DYNC2H1: variants seen among roughly 807,000 people sequenced by gnomAD.
DYNC2H1 encodes dynein cytoplasmic 2 heavy chain 1, also known as cytoplasmic dynein 2 heavy chain 1.
In DYNC2H1, 410 loss-of-function variants were observed where a neutral mutation model predicts 570.0. The ratio of observed to expected loss-of-function variants is 0.72; its 90% CI spans 0.66 to 0.78. The LOEUF (loss-of-function observed/expected upper bound fraction) is 0.78, where lower values mean the gene tolerates loss of function less well. Among genes scored for constraint, DYNC2H1 ranks in the 30% least tolerant of loss-of-function variants. DYNC2H1 has a pLI of 0.00. For synonymous variants in DYNC2H1, 1,688 were observed against 1,677.6 expected (o/e 1.01, Z -0.15); for missense variants, 4,865 against 5,046.4 (o/e 0.96, Z 1.09).
At position 103,370,372 on chromosome 11, in the gene DYNC2H1, G is replaced by A. The variant is rs142921707; in HGVS notation, c.12156+12013G>A. ...TCCTAGCTGCCAGACAGTACCTCTG[G>A]ACACACCCATGGCTTGGGGAAGCTC... On this transcript the variant is annotated intron_variant, in intron 83 of 88. Transcript: ENST00000375735. Among the ~76,000 whole-genome samples, 5 of 152,330 alleles carry A rather than the reference G, an allele frequency of 3.3e-5. No individual in the cohort carries two copies. In the East Asian group the frequency reaches 9.6e-4, roughly 29 times the overall value.
intron 79 of DYNC2H1, among the ~76,000 whole-genome samples, chr11:103,313,773 CA>C (rs1867699974): frequency 6.6e-6 from 1 of 152,124 alleles, no homozygotes; most frequent in South Asian, 2.1e-4. Flanking sequence ...TGTAGCCTGT[CA>C]ATAAACATTT....
At chr11:103,140,010 C>T (rs1859813696) in intron 17 of DYNC2H1, among the ~76,000 whole-genome samples, 1 of 152,076 alleles carries the variant, frequency 6.6e-6, no homozygotes, top group Non-Finnish European at 1.5e-5. Flanking sequence ...GGTTTAAAGT[C>T]TGTTTTATCA....
chr11:103,159,136 C>A, intron 28 of DYNC2H1, 109 bp downstream of exon 28: 1 of 765,824 alleles, frequency 1.3e-6, no homozygotes, highest in Non-Finnish European at 2.1e-6. Flanking sequence ...GTTCATATAC[C>A]CAAATACAGT....
intron 82 of DYNC2H1, among the ~76,000 whole-genome samples, chr11:103,338,499 G>A (rs1032419265): frequency 9.9e-5 from 15 of 152,090 alleles, no homozygotes; most frequent in Admixed American, 2.6e-4. Flanking sequence ...CATGAACATA[G>A]GATATCTTTC....
At position 103,185,030 on chromosome 11, in the gene DYNC2H1, A is replaced by C. The variant is rs916640091; in HGVS notation, c.6612A>C (p.Ser2204=). 2 of 1,609,416 alleles carry C rather than the reference A, an allele frequency of 1.2e-6. No individual in the cohort carries two copies. The highest frequency in any genetic ancestry group is 3.3e-5 in the Admixed American group (2 of 59,738). Residue 2204 remains serine (S), a synonymous_variant, in exon 41 of 89, where the codon TCA becomes TCC. Coordinates refer to ENST00000375735, the MANE Select transcript of DYNC2H1 (RefSeq NM_001377.3). This position sits in a 1 kb window ranked among gnomAD's most constrained non-coding sequence, Gnocchi z 4.5. ...RGLGGNLNMK[S]RLEFTKEVFH... Reference sequence around the variant, plus strand: ...TTGGTGGAAATCTGAATATGAAGTCACGTTTGGAATTTACCAAAGAGGTAA... The same window carrying C: ...TTGGTGGAAATCTGAATATGAAGTCCCGTTTGGAATTTACCAAAGAGGTAA...
intron 84 of DYNC2H1, among the ~76,000 whole-genome samples, chr11:103,428,282 G>A (rs1943750342): frequency 1.6e-5 from 2 of 127,344 alleles, no homozygotes; most frequent in South Asian, 5.9e-4. Flanking sequence ...GTAACACTGA[G>A]CAAATATTTA....
At chr11:103,182,016 TG>T in intron 40 of DYNC2H1, 130 bp downstream of exon 40, 1 of 886,372 alleles carries the variant, frequency 1.1e-6, no homozygotes, top group Non-Finnish European at 1.7e-6. Context: ...ATTTTGTCAC[TG>T]CTACTCCTCT....
Position 103,456,313 on chromosome 11 carries a change from C to T in DYNC2H1, c.12605C>T (p.Ala4202Val). 6.2e-7 allele frequency: 1 copy of T among 1,609,050 alleles called. No individual in the cohort carries two copies. Among genetic ancestry groups the T allele is most frequent in the South Asian group, 1.1e-5 (1 of 89,822 alleles). The change falls in exon 87 of 89, where the codon GCC (alanine) becomes GTC (valine). Residue 4202 changes from alanine (A) to valine (V), a missense_variant. Physicochemically the swap from Ala to Val is moderately conservative, Grantham distance 64 (BLOSUM62 0). This residue lies in a region of DYNC2H1 where 2,401 missense variants were observed against 2,454.6 expected (regional missense o/e 0.98). Transcript: ENST00000375735. ...GRSVDSLKFV[A>V]SWKGRLQEAK... Reference sequence around the variant, plus strand: ...TCTGTGGATAGCCTTAAATTTGTAGCCTCATGGAAAGGTCGACTGCAAGAA... The same window carrying T: ...TCTGTGGATAGCCTTAAATTTGTAGTCTCATGGAAAGGTCGACTGCAAGAA...
rs964076927 is a variant in DYNC2H1 at position 103,472,811 on chromosome 11, G to A, written c.12765+4106G>A. On this transcript the variant is annotated intron_variant, in intron 88 of 88. Transcript: ENST00000375735. The surrounding 1 kb of genome is among the most constrained non-coding windows in gnomAD (Gnocchi z 4.1). ...GATAATAATAAAATTCAGAACTTTG[G>A]TAACTAAACTTTTTTTTTACACCAG... is the stretch of plus-strand genomic sequence containing the variant. Among the ~76,000 whole-genome samples, 9 of 152,110 alleles carry A rather than the reference G, an allele frequency of 5.9e-5. No homozygotes were observed. The highest frequency in any genetic ancestry group is 2.2e-4 in the African/African-American group (9 of 41,472).
At chr11:103,478,866 T>C (rs1213581248) in intron 88 of DYNC2H1, among the ~76,000 whole-genome samples, 1 of 151,992 alleles carries the variant, frequency 6.6e-6, no homozygotes. Flanking sequence ...AATTTTGTAA[T>C]TGTAAGGTGC....
intron 84 of DYNC2H1, chr11:103,404,123 A>G (rs1346019764): frequency 6.6e-6 from 1 of 151,948 alleles, no homozygotes; most frequent in Non-Finnish European, 1.5e-5. Flanking sequence ...CTTCCATAAT[A>G]GGGGATGTAG....
In DYNC2H1 at chr11:103,188,610, T is replaced by C; in HGVS notation, c.7254T>C (p.Thr2418=). The change falls in exon 44 of 89, where the codon ACT becomes ACC. Residue 2418 remains threonine (T), a synonymous_variant. Transcript: ENST00000375735. ...GAAGACTGGGAAGACATAAACTTACTACCAGATTTACTTCCATCGTTCGTC... is the reference window on the plus strand; with the variant it reads ...GAAGACTGGGAAGACATAAACTTACCACCAGATTTACTTCCATCGTTCGTC... ...AGGRLGRHKL[T]TRFTSIVRLC... 2 of 1,609,476 alleles carry C rather than the reference T, an allele frequency of 1.2e-6. No homozygotes were observed. Among genetic ancestry groups the C allele is most frequent in the Non-Finnish European group, 1.7e-6 (2 of 1,177,412 alleles).
intron 85 of DYNC2H1, among the ~76,000 whole-genome samples, chr11:103,436,456 C>T (rs527488464): frequency 6.6e-6 from 1 of 152,094 alleles, no homozygotes; most frequent in Non-Finnish European, 1.5e-5. Context: ...ATAATATAGA[C>T]AGAGAAAGAG....
chr11:103,177,825 G>T lies in DYNC2H1; in HGVS notation c.6139+5G>T. On this transcript the variant is annotated splice_donor_5th_base_variant and intron_variant, in intron 38 of 88. Coordinates refer to ENST00000375735, the MANE Select transcript of DYNC2H1 (RefSeq NM_001377.3). This position sits in a 1 kb window ranked among gnomAD's most constrained non-coding sequence, Gnocchi z 4.4. ...AAGTGGTTCGGGAACCTCAAGGTTA[G>T]TCTCTATGTATACTTCTTTGCTTTA... The T allele has an allele frequency of 2.5e-6, 4 of 1,605,960 alleles. No individual in the cohort carries two copies. In the South Asian group the frequency reaches 3.4e-5, roughly 14 times the overall value.
chr11:103,341,508 A>G (rs938592639), intron 82 of DYNC2H1, among the ~76,000 whole-genome samples: 1 of 152,166 alleles, frequency 6.6e-6, no homozygotes, highest in South Asian at 2.1e-4. Flanking sequence ...GTAGATTCCT[A>G]AGTTCTATCC....
In DYNC2H1 at chr11:103,203,615, A is replaced by C; in HGVS notation, c.8198-48A>C. 7 of 1,223,178 alleles carry C rather than the reference A, an allele frequency of 5.7e-6. No individual in the cohort carries two copies. The highest frequency in any genetic ancestry group is 6.8e-6 in the Non-Finnish European group (6 of 879,754). The allele number at this position is 1,223,178 out of a possible 1,614,324, so 75.8% of individuals were successfully genotyped here. On this transcript the variant is annotated intron_variant, in intron 50 of 88. Coordinates refer to ENST00000375735, the MANE Select transcript of DYNC2H1 (RefSeq NM_001377.3). This position sits in a 1 kb window ranked among gnomAD's most constrained non-coding sequence, Gnocchi z 4.7. Reference sequence around the variant, plus strand: ...GATTTTTAAATACAAAAATTGAAAAAGCATCATTTATTAAAATGTTTTCAA... The same window carrying C: ...GATTTTTAAATACAAAAATTGAAAACGCATCATTTATTAAAATGTTTTCAA...
At chr11:103,183,833 A>AT (rs904060865) in intron 40 of DYNC2H1, among the ~76,000 whole-genome samples, 5 of 151,554 alleles carry the variant, frequency 3.3e-5, no homozygotes, top group Admixed American at 6.6e-5. Context: ...AAAAATATTA[A>AT]TTTTTTTAAG....
Position 103,280,524 on chromosome 11 carries a change from T to A in DYNC2H1, c.10761+111T>A. The A allele has an allele frequency of 1.0e-6, 1 of 959,772 alleles. No individual in the cohort carries two copies. Among genetic ancestry groups the A allele is most frequent in the Non-Finnish European group, 1.6e-6 (1 of 633,626 alleles). The allele number at this position is 959,772 out of a possible 1,614,324, so 59.5% of individuals were successfully genotyped here. ...GGCTAGAAATTATATATCAACCTATTAATCTTTTACTAAGTTAGAAATGTA... is the reference window on the plus strand; with the variant it reads ...GGCTAGAAATTATATATCAACCTATAAATCTTTTACTAAGTTAGAAATGTA... On this transcript the variant is annotated intron_variant, in intron 71 of 88. Transcript: ENST00000375735. This position sits in a 1 kb window ranked among gnomAD's most constrained non-coding sequence, Gnocchi z 4.7.
At chr11:103,421,892 CAA>C (rs1211135282) in intron 84 of DYNC2H1, among the ~76,000 whole-genome samples, 2 of 131,136 alleles carry the variant, frequency 1.5e-5, no homozygotes, top group African/African-American at 6.2e-5. Context: ...AGAAAAAAAT[CAA>C]AGAATCCAAG....
Sources: allele counts gnomAD v4.1 joint callset (sites outside exome capture counted in the v4.1 genomes callset), GRCh38; gene constraint gnomAD v4.1.1; regional missense constraint gnomAD v4.1.1; non-coding constraint Gnocchi (gnomAD v3.1); transcripts MANE v1.5; gene names NCBI Gene and HGNC (gene_info 2026-07-23, HGNC 2026-07-21).